NRP2: variants seen among roughly 807,000 people sequenced by gnomAD.
NRP2 encodes neuropilin 2.
In NRP2, 52 loss-of-function variants were observed where a neutral mutation model predicts 110.4. The observed-to-expected ratio is 0.47, with a 90% confidence interval of 0.38 to 0.59. NRP2 has a LOEUF of 0.59. Among genes scored for constraint, NRP2 ranks in the 20% least tolerant of loss-of-function variants. NRP2 has a pLI of 0.00. For synonymous variants in NRP2, 508 were observed against 468.9 expected (o/e 1.08, Z -1.08); for missense variants, 1,049 against 1,203.0 (o/e 0.87, Z 1.89).
rs1211447911 is a variant in NRP2 at position 205,737,804 on chromosome 2, A to C, written c.1147-2715A>C. Among the ~76,000 whole-genome samples, 3 of 152,242 alleles carry C rather than the reference A, an allele frequency of 2.0e-5. No homozygotes were observed. In the East Asian group the frequency reaches 5.8e-4, roughly 29 times the overall value. Reference sequence around the variant, plus strand: ...CAGTCAGGTAGATGGCCTAGGGGACACAAACTGTGTGCTTGCCTCCCTTCC... The same window carrying C: ...CAGTCAGGTAGATGGCCTAGGGGACCCAAACTGTGTGCTTGCCTCCCTTCC... On this transcript the variant is annotated intron_variant, in intron 7 of 16. Transcript: ENST00000357785.
At chr2:205,729,295 T>C (rs2057190233) in intron 7 of NRP2, among the ~76,000 whole-genome samples, 1 of 152,224 alleles carries the variant, frequency 6.6e-6, no homozygotes, top group African/African-American at 2.4e-5. Flanking sequence ...CTCACACACA[T>C]GCACACAATT....
rs905783606 is a variant in NRP2, at chr2:205,796,090, G to A, written c.*1032G>A. 3.9e-5 allele frequency: 6 copies of A among 152,180 alleles called. No individual in the cohort carries two copies. Among genetic ancestry groups the A allele is most frequent in the South Asian group, 4.1e-4 (2 of 4,826 alleles). The allele number at this position is 152,180 out of a possible 1,614,324, so 9.4% of individuals were successfully genotyped here. ...CTATTGGTATGTTCTCCCCATCAGC[G>A]AGTTATTGTAACTGGTCACCACTGG... is the stretch of plus-strand genomic sequence containing the variant. On this transcript the variant is annotated 3_prime_UTR_variant, in exon 17 of 17. Transcript: ENST00000357785.
In NRP2 at chr2:205,763,807, C is replaced by G; in HGVS notation, c.2178C>G (p.Arg726=). 6.2e-7 allele frequency: 1 copy of G among 1,614,054 alleles called. No homozygotes were observed. Among genetic ancestry groups the G allele is most frequent in the Non-Finnish European group, 8.5e-7 (1 of 1,179,998 alleles). The change falls in exon 13 of 17, where the codon CGC becomes CGG. Residue 726 remains arginine (R), a synonymous_variant. Transcript: ENST00000357785. The surrounding 1 kb of genome is among the most constrained non-coding windows in gnomAD (Gnocchi z 4.0). The stretch of plus-strand genomic sequence containing the variant: ...TCCAGTACCAGGCCACGGGCGGCCG[C>G]GGGGTGGCGCTGCAGGTGGTGCGGG... ...MEFQYQATGG[R]GVALQVVREA...
At position 205,795,195 on chromosome 2, in the gene NRP2, C is replaced by A; in HGVS notation, c.*137C>A. The A allele has an allele frequency of 1.1e-6, 1 of 934,452 alleles. No homozygotes were observed. The highest frequency in any genetic ancestry group is 1.4e-5 in the South Asian group (1 of 70,288). The allele number at this position is 934,452 out of a possible 1,614,324, so 57.9% of individuals were successfully genotyped here. On this transcript the variant is annotated 3_prime_UTR_variant, in exon 17 of 17. Coordinates refer to ENST00000357785, the MANE Select transcript of NRP2 (RefSeq NM_003872.3). ...CAGAATACCGAAGGTATGGACAGGA[C>A]AGAAAAGCGAGTCGCAGGAGGAAGG...
chr2:205,746,802 A>G (rs1224297531), intron 10 of NRP2, among the ~76,000 whole-genome samples: 1 of 152,196 alleles, frequency 6.6e-6, no homozygotes, highest in East Asian at 1.9e-4. Flanking sequence ...GGCATGTCGG[A>G]GAAGTGCTTT....
chr2:205,753,931 C>T (rs2057693051), intron 12 of NRP2, among the ~76,000 whole-genome samples: 1 of 152,148 alleles, frequency 6.6e-6, no homozygotes, highest in South Asian at 2.1e-4. Flanking sequence ...ATTAAGATAA[C>T]TAGCAAGTGT....
intron 2 of NRP2, among the ~76,000 whole-genome samples, chr2:205,699,678 G>T (rs1389534297): frequency 6.6e-6 from 1 of 152,158 alleles, no homozygotes; most frequent in Non-Finnish European, 1.5e-5. Context: ...CTCTGACAAG[G>T]GGAAGAAGAA....
chr2:205,719,993 G>T (rs1279043802), intron 3 of NRP2, among the ~76,000 whole-genome samples: 3 of 152,162 alleles, frequency 2.0e-5, no homozygotes, highest in Non-Finnish European at 2.9e-5. Context: ...TCTCAGAAAA[G>T]GATCTTGGAT....
chr2:205,778,224 T>G (rs2058128983), intron 15 of NRP2: 1 of 151,822 alleles, frequency 6.6e-6, no homozygotes, highest in Non-Finnish European at 1.5e-5. Flanking sequence ...CTAATGATTT[T>G]TTTTTTTTTT....
chr2:205,769,843 G>A (rs767008327), intron 15 of NRP2, among the ~76,000 whole-genome samples: 6 of 152,122 alleles, frequency 3.9e-5, no homozygotes, highest in Non-Finnish European at 8.8e-5. Flanking sequence ...AAAAAGAACC[G>A]AAAAGTGGTG....
At chr2:205,756,263 T>G (rs2057733317) in intron 12 of NRP2, among the ~76,000 whole-genome samples, 1 of 152,168 alleles carries the variant, frequency 6.6e-6, no homozygotes, top group African/African-American at 2.4e-5. Context: ...GGAGGAACAC[T>G]CAGTGTTCTC....
At chr2:205,769,637 T>C (rs999088055) in intron 15 of NRP2, among the ~76,000 whole-genome samples, 1 of 152,044 alleles carries the variant, frequency 6.6e-6, no homozygotes, top group Non-Finnish European at 1.5e-5. Context: ...AAAGAATGAA[T>C]AAACTGTGTT....
chr2:205,781,866 G>C (rs1196752830), intron 15 of NRP2, among the ~76,000 whole-genome samples: 1 of 152,126 alleles, frequency 6.6e-6, no homozygotes. Flanking sequence ...GAATAGTGTA[G>C]GATTTAATTA....
In NRP2 at chr2:205,794,394, G is replaced by C. The variant is rs190282585; in HGVS notation, c.2477-360G>C. Among the ~76,000 whole-genome samples the C allele has an allele frequency of 3.7e-3, 558 of 152,342 alleles. 1 individual carries two copies. Among genetic ancestry groups the C allele is most frequent in the Non-Finnish European group, 6.1e-3 (412 of 68,030 alleles). On this transcript the variant is annotated intron_variant, in intron 16 of 16. Transcript: ENST00000357785. ...CAAAGTGCTGGGATTACAGGCGTGA[G>C]CCACCGCGCCCGGCCTCAAATTATT...
chr2:205,789,919 G>A (rs144382132), intron 15 of NRP2, among the ~76,000 whole-genome samples: 8 of 152,350 alleles, frequency 5.3e-5, no homozygotes, highest in African/African-American at 1.9e-4. Context: ...GGGGACTAGA[G>A]AAAATTGCTA....
Position 205,727,891 on chromosome 2 carries a change from G to T in NRP2, c.991G>T (p.Val331Leu), listed in dbSNP as rs746971398. Reference sequence around the variant, plus strand: ...CTTACTCCAGCCCTCTATTCCCCAGGTGGACCTGCGCTTTTTAACCATGCT... The same window carrying T: ...CTTACTCCAGCCCTCTATTCCCCAGTTGGACCTGCGCTTTTTAACCATGCT... The part of the protein sequence containing the change: ...NLDSNKEYLQ[V>L]DLRFLTMLTA... The change falls in exon 7 of 17, where the codon GTG (valine) becomes TTG (leucine). Residue 331 changes from valine to leucine, a missense_variant and splice_region_variant. By Grantham distance (32) the Val-to-Leu change is conservative. Coordinates refer to ENST00000357785, the MANE Select transcript of NRP2 (RefSeq NM_003872.3). 6.2e-7 allele frequency: 1 copy of T among 1,612,738 alleles called. No individual in the cohort carries two copies. Among genetic ancestry groups the T allele is most frequent in the South Asian group, 1.1e-5 (1 of 90,604 alleles).
chr2:205,690,411 A>C (rs2056285115), intron 1 of NRP2, among the ~76,000 whole-genome samples: 1 of 152,108 alleles, frequency 6.6e-6, no homozygotes, highest in Non-Finnish European at 1.5e-5. Context: ...AAGGGGACAA[A>C]ACCCCTGAGA....
At chr2:205,744,050 C>CT (rs1012796172) in intron 9 of NRP2, among the ~76,000 whole-genome samples, 2 of 152,096 alleles carry the variant, frequency 1.3e-5, no homozygotes, top group African/African-American at 4.8e-5. Flanking sequence ...GGCCTGGACT[C>CT]TTTTTTAATC....
rs2058309205 is a variant in NRP2 at position 205,792,222 on chromosome 2, C to A, written c.2426-13C>A. Reference sequence around the variant, plus strand: ...CTTGTTATTAACTTGTTTTTATTTTCTTTATATTATAGTGGACATCCCAGA... The same window carrying A: ...CTTGTTATTAACTTGTTTTTATTTTATTTATATTATAGTGGACATCCCAGA... On this transcript the variant is annotated splice_polypyrimidine_tract_variant and intron_variant, in intron 15 of 16. Coordinates refer to ENST00000357785, the MANE Select transcript of NRP2 (RefSeq NM_003872.3). 7.7e-6 allele frequency: 12 copies of A among 1,557,038 alleles called. No homozygotes were observed. The highest frequency in any genetic ancestry group is 9.7e-6 in the Non-Finnish European group (11 of 1,128,272).
Sources: gnomAD v4.1 joint callset for allele counts (sites outside exome capture counted in the v4.1 genomes callset) on GRCh38, gnomAD v4.1.1 for gene constraint, Gnocchi (gnomAD v3.1) non-coding constraint, MANE v1.5 for transcripts, NCBI Gene and HGNC (gene_info 2026-07-23, HGNC 2026-07-21) for gene names.